Variants in SERPINB7 observed in about 807,000 individuals in gnomAD.
SERPINB7 encodes serpin B7.
A neutral mutation model predicts 37.4 loss-of-function variants in SERPINB7; 31 were observed. The observed-to-expected ratio is 0.83, with a 90% confidence interval of 0.62 to 1.12. SERPINB7 has a LOEUF of 1.12. Ranked by LOEUF, SERPINB7 falls within the 50% of genes most tolerant of loss-of-function variation. The probability of loss-of-function intolerance (pLI) is 0.00; values close to 1 mark genes in which losing one functional copy is unlikely to be tolerated. For missense variants in SERPINB7, 521 were observed against 455.3 expected, an observed-to-expected ratio of 1.14 and a Z score of -1.31; for synonymous variants, 163 against 166.1, an observed-to-expected ratio of 0.98 and a Z score of 0.14.
chr18:63,793,159 A>C lies in SERPINB7; in HGVS notation c.220-2A>C, dbSNP rs1599015455. 3 of 1,489,412 alleles carry C rather than the reference A, an allele frequency of 2.0e-6. No individual in the cohort carries two copies. In the Middle Eastern group the frequency reaches 5.3e-4, roughly 264 times the overall value. 92.3% of individuals were successfully genotyped at this position (1,489,412 alleles called of 1,614,324 possible). On this transcript the variant is annotated splice_acceptor_variant, in intron 3 of 7. Coordinates refer to ENST00000398019, the MANE Select transcript of SERPINB7 (RefSeq NM_003784.4). LOFTEE classifies it high-confidence loss of function. ...AATTTTTATACATCTTTTTAATAAC[A>C]GTCAGGGCTCCAGTCTCAACTGAAA... is the stretch of plus-strand genomic sequence containing the variant.
intron 2 of SERPINB7, among the ~76,000 whole-genome samples, chr18:63,789,910 T>C (rs1222992298): frequency 1.3e-5 from 2 of 152,214 alleles, no homozygotes; most frequent in Non-Finnish European, 2.9e-5. Flanking sequence ...AGCTCTTCTA[T>C]AAATCAAATG....
chr18:63,782,278 A>T (rs889703142), intron 1 of SERPINB7, 77 bp from the exon 2 acceptor site: 2 of 947,232 alleles, frequency 2.1e-6, no homozygotes, highest in Non-Finnish European at 2.8e-6. Context: ...TAAATTATAA[A>T]AAATAAATAA....
chr18:63,766,780 ACTAT>A (rs2049182992), intron 1 of SERPINB7, among the ~76,000 whole-genome samples: 1 of 152,146 alleles, frequency 6.6e-6, no homozygotes, highest in African/African-American at 2.4e-5. Flanking sequence ...ACTGGATAAA[ACTAT>A]CTGTCTGACA....
At chr18:63,775,073 A>G (rs2049235273), upstream of SERPINB7, among the ~76,000 whole-genome samples, 8 of 152,262 alleles carry the variant, frequency 5.3e-5, no homozygotes, top group South Asian at 1.7e-3. Context: ...AAACTCACCA[A>G]GTCACTGTTG....
chr18:63,796,923 A>T (rs1004821982), intron 5 of SERPINB7, among the ~76,000 whole-genome samples: 6 of 152,108 alleles, frequency 3.9e-5, no homozygotes. Flanking sequence ...TATTTTCATG[A>T]TATTGCTTTT....
Position 63,796,247 on chromosome 18 carries a change from A to G in SERPINB7, c.337-19A>G, listed in dbSNP as rs150622921. 3.7e-4 allele frequency: 505 copies of G among 1,372,324 alleles called. 3 individuals carry two copies. The African/African-American group carries it at 6.5e-3, about 18-fold the overall frequency. The allele number at this position is 1,372,324 out of a possible 1,614,324, so 85.0% of individuals were successfully genotyped here. ...TTGGTGATGATTTGTAAATACGAGA[A>G]CTATATTCTTCTTTATAGGACTACA... On this transcript the variant is annotated intron_variant, in intron 4 of 7. Coordinates refer to ENST00000398019, the MANE Select transcript of SERPINB7 (RefSeq NM_003784.4).
intron 1 of SERPINB7, among the ~76,000 whole-genome samples, chr18:63,764,900 A>G (rs1327591299): frequency 6.6e-6 from 1 of 152,214 alleles, no homozygotes; most frequent in Non-Finnish European, 1.5e-5. Flanking sequence ...GTAATTAGGC[A>G]TTGGATCACA....
chr18:63,797,102 T>C (rs921979329), intron 5 of SERPINB7, among the ~76,000 whole-genome samples: 2 of 152,156 alleles, frequency 1.3e-5, no homozygotes, highest in Admixed American at 6.5e-5. Flanking sequence ...GCAAAGCAAA[T>C]AAAGAAATTT....
intron 1 of SERPINB7, among the ~76,000 whole-genome samples, chr18:63,760,001 A>G (rs1230368590): frequency 6.6e-6 from 1 of 152,240 alleles, no homozygotes; most frequent in Non-Finnish European, 1.5e-5. Context: ...TGTTGCTGAA[A>G]AAATACCCAA....
chr18:63,792,486 G>A, intron 3 of SERPINB7, 43 bp downstream of exon 3: 1 of 1,319,010 alleles, frequency 7.6e-7, no homozygotes, highest in Non-Finnish European at 1.1e-6. Flanking sequence ...AGGTGAGCCA[G>A]GTGCAGGGGC....
chr18:63,769,956 G>A (rs960830086), intron 1 of SERPINB7, among the ~76,000 whole-genome samples: 1 of 150,984 alleles, frequency 6.6e-6, no homozygotes, highest in Non-Finnish European at 1.5e-5. Flanking sequence ...CCCACCTCAC[G>A]ACTTGGTGCA....
intron 2 of SERPINB7, among the ~76,000 whole-genome samples, chr18:63,789,103 T>A (rs1352226681): frequency 1.3e-5 from 2 of 152,254 alleles, no homozygotes; most frequent in African/African-American, 4.8e-5. Flanking sequence ...TTTATATTTT[T>A]CTCAAGACAT....
chr18:63,783,260 A>AGAAAGAAAGAAAGAAAGAC, intron 2 of SERPINB7, among the ~76,000 whole-genome samples: 1 of 140,218 alleles, frequency 7.1e-6, no homozygotes, highest in African/African-American at 2.9e-5. Context: ...GAAAGAAAGA[A>AGAAAGAAAGAAAGAAAGAC]AGAAAGAAAG....
At chr18:63,777,879 G>GACACACATACACACACACACAC (rs1354060206) in intron 1 of SERPINB7, 1 of 131,202 alleles carries the variant, frequency 7.6e-6, no homozygotes, top group African/African-American at 2.9e-5. Flanking sequence ...TTTGAAAAAA[G>GACACACATACACACACACACAC]ACACACACAC....
intron 1 of SERPINB7, among the ~76,000 whole-genome samples, chr18:63,760,756 C>A (rs1358034032): frequency 2.0e-5 from 3 of 152,210 alleles, no homozygotes; most frequent in African/African-American, 2.4e-5. Flanking sequence ...GTGGAAGACC[C>A]AAGCCTTGGC....
intron 1 of SERPINB7, among the ~76,000 whole-genome samples, chr18:63,767,242 C>G (rs1359105390): frequency 6.6e-6 from 1 of 152,142 alleles, no homozygotes; most frequent in Non-Finnish European, 1.5e-5. Context: ...CTCAAGCCAG[C>G]ACCAGAGGGC....
At chr18:63,779,283 A>G (rs915136540) in intron 1 of SERPINB7, among the ~76,000 whole-genome samples, 2 of 152,134 alleles carry the variant, frequency 1.3e-5, no homozygotes, top group African/African-American at 4.8e-5. Context: ...GTCTCATGCT[A>G]ATTTTTATTT....
At chr18:63,754,608 G>T (rs1243664487) in intron 1 of SERPINB7, among the ~76,000 whole-genome samples, 2 of 152,116 alleles carry the variant, frequency 1.3e-5, no homozygotes, top group Non-Finnish European at 2.9e-5. Context: ...GGCAGGACAC[G>T]CAGGTATCAG....
chr18:63,802,268 C>T (rs969757238), intron 7 of SERPINB7, among the ~76,000 whole-genome samples: 5 of 152,124 alleles, frequency 3.3e-5, no homozygotes, highest in African/African-American at 4.8e-5. Flanking sequence ...CGGTGGGGGC[C>T]GTGCAAGCCA....
Sources: gnomAD v4.1 joint callset for allele counts (sites outside exome capture counted in the v4.1 genomes callset) on GRCh38, gnomAD v4.1.1 for gene constraint, MANE v1.5 for transcripts, NCBI Gene and HGNC (gene_info 2026-07-23, HGNC 2026-07-21) for gene names.